Variants in ITGA9 observed in about 807,000 individuals in gnomAD.
The protein encoded by ITGA9 is integrin subunit alpha 9.
In ITGA9, 56 loss-of-function variants were observed where a neutral mutation model predicts 127.8. The observed-to-expected ratio is 0.44, with a 90% CI of 0.35 to 0.55. ITGA9 has a LOEUF of 0.55. Ranked by LOEUF, ITGA9 falls within the 20% of genes least tolerant of loss-of-function variation. ITGA9 has a pLI of 0.00. For synonymous variants in ITGA9, 508 were observed against 514.5 expected, an observed-to-expected ratio of 0.99 and a Z score of 0.17; for missense variants, 1,196 against 1,347.1, an observed-to-expected ratio of 0.89 and a Z score of 1.76.
chr3:37,812,903 A>G (rs1697385296), intron 27 of ITGA9, among the ~76,000 whole-genome samples: 1 of 152,266 alleles, frequency 6.6e-6, no homozygotes, highest in African/African-American at 2.4e-5. Flanking sequence ...CCCATCATTA[A>G]TCATTTCCCA....
chr3:37,460,735 G>GC (rs913349751), intron 1 of ITGA9, among the ~76,000 whole-genome samples: 3 of 151,702 alleles, frequency 2.0e-5, no homozygotes, highest in African/African-American at 4.8e-5. Flanking sequence ...GACTACAGGT[G>GC]CCCCCCACCA....
At chr3:37,648,398 A>T (rs1486502398) in intron 16 of ITGA9, among the ~76,000 whole-genome samples, 1 of 152,186 alleles carries the variant, frequency 6.6e-6, no homozygotes, top group East Asian at 1.9e-4. Context: ...CTGAAGCAGG[A>T]AGATCACTTG....
At position 37,778,883 on chromosome 3, in the gene ITGA9, T is replaced by G. The variant is rs375473870; in HGVS notation, c.2668-1019T>G. ...ACTTGAAAGGTTGGGTTTTTTTTTT[T>G]TTTTTTTTTTTTTACTTACATAGTG... On this transcript the variant is annotated intron_variant, in intron 24 of 27. Coordinates refer to ENST00000264741, the MANE Select transcript of ITGA9 (RefSeq NM_002207.3). Among the ~76,000 whole-genome samples, 108 of 147,156 alleles carry G rather than the reference T, an allele frequency of 7.3e-4. 1 individual carries two copies. The highest frequency in any genetic ancestry group is 4.9e-3 in the Admixed American group (73 of 14,794).
chr3:37,735,530 A>G (rs1696349102), intron 19 of ITGA9, among the ~76,000 whole-genome samples: 1 of 152,254 alleles, frequency 6.6e-6, no homozygotes, highest in South Asian at 2.1e-4. Flanking sequence ...AGGTTTAGAC[A>G]TTGTATAAGT....
At chr3:37,753,667 A>C (rs1430768229) in intron 23 of ITGA9, 2 of 152,210 alleles carry the variant, frequency 1.3e-5, no homozygotes, top group African/African-American at 4.8e-5. Flanking sequence ...GACAGAGAGT[A>C]CTGAACCACA....
At chr3:37,502,995 G>C (rs112421439) in intron 5 of ITGA9, among the ~76,000 whole-genome samples, 183 bp from the exon 6 acceptor site, 1 of 152,114 alleles carries the variant, frequency 6.6e-6, no homozygotes, top group Non-Finnish European at 1.5e-5. Flanking sequence ...TGATAATCCC[G>C]TCTGTATAAT....
chr3:37,525,962 C>T, intron 12 of ITGA9, 64 bp from the exon 13 acceptor site: 5 of 1,413,046 alleles, frequency 3.5e-6, no homozygotes, highest in Non-Finnish European at 5.0e-6. Context: ...TGAGCGCATT[C>T]CCAGGGCGCG....
At chr3:37,537,586 A>T (rs929441336) in intron 14 of ITGA9, among the ~76,000 whole-genome samples, 1 of 152,224 alleles carries the variant, frequency 6.6e-6, no homozygotes, top group African/African-American at 2.4e-5. Context: ...ACAGAGTGCC[A>T]GACACCCTGC....
chr3:37,661,238 G>A (rs1347124651), intron 17 of ITGA9, among the ~76,000 whole-genome samples: 1 of 152,148 alleles, frequency 6.6e-6, no homozygotes, highest in Non-Finnish European at 1.5e-5. Flanking sequence ...CCGTCTCTCT[G>A]GAATTCAGAC....
chr3:37,707,935 C>T (rs1178916476), intron 18 of ITGA9, among the ~76,000 whole-genome samples: 2 of 152,174 alleles, frequency 1.3e-5, no homozygotes, highest in East Asian at 1.9e-4. Flanking sequence ...TACCCCTTCC[C>T]GAGTGCTTCC....
At chr3:37,526,176 G>C in intron 13 of ITGA9, 105 bp downstream of exon 13, 3 of 964,856 alleles carry the variant, frequency 3.1e-6, no homozygotes, top group Non-Finnish European at 3.4e-6. Context: ...TTGTAGGCTG[G>C]AGGTGCTTAG....
chr3:37,591,149 C>A (rs1434772167), intron 15 of ITGA9, among the ~76,000 whole-genome samples: 1 of 152,196 alleles, frequency 6.6e-6, no homozygotes, highest in Non-Finnish European at 1.5e-5. Flanking sequence ...GTGCTGGGCT[C>A]TGCTGAGGAT....
intron 15 of ITGA9, among the ~76,000 whole-genome samples, chr3:37,590,218 T>C (rs111401648): frequency 2.6e-5 from 4 of 152,338 alleles, no homozygotes; most frequent in African/African-American, 9.6e-5. Flanking sequence ...TTCATGAGCC[T>C]TGACTCTACT....
At chr3:37,508,420 C>A in intron 7 of ITGA9, 139 bp from the exon 8 acceptor site, 1 of 693,436 alleles carries the variant, frequency 1.4e-6, no homozygotes, top group Non-Finnish European at 2.5e-6. Context: ...CTGACTTCTT[C>A]ATGATCATCA....
At chr3:37,793,781 G>A (rs1055663782) in intron 26 of ITGA9, among the ~76,000 whole-genome samples, 7 of 152,296 alleles carry the variant, frequency 4.6e-5, no homozygotes, top group South Asian at 4.1e-4. Context: ...TCTTGACCTC[G>A]GAGTTGGTCC....
At chr3:37,608,436 T>C (rs1699988526) in intron 15 of ITGA9, among the ~76,000 whole-genome samples, 1 of 112,254 alleles carries the variant, frequency 8.9e-6, no homozygotes, top group African/African-American at 2.8e-5. Flanking sequence ...CAAGTAAGAT[T>C]TACAAAACAA....
intron 22 of ITGA9, 73 bp from the exon 23 acceptor site, chr3:37,750,389 A>G (rs979058280): frequency 1.1e-6 from 1 of 901,520 alleles, no homozygotes; most frequent in East Asian, 2.4e-5. Context: ...ATCTTAGAAT[A>G]TATATTGCAT....
At position 37,542,669 on chromosome 3, in the gene ITGA9, T is replaced by C. The variant is rs1165343049; in HGVS notation, c.1689+84T>C. On this transcript the variant is annotated intron_variant, in intron 15 of 27. Transcript: ENST00000264741. ...GCTGGTGGAAACTATTTTTATTATGTATTATGTGTGCTCTTCCAAAATTTT... is the reference window on the plus strand; with the variant it reads ...GCTGGTGGAAACTATTTTTATTATGCATTATGTGTGCTCTTCCAAAATTTT... 10 of 1,419,758 alleles carry C rather than the reference T, an allele frequency of 7.0e-6. No individual in the cohort carries two copies. In the East Asian group the frequency reaches 2.3e-4, roughly 33 times the overall value. The allele number at this position is 1,419,758 out of a possible 1,614,324, so 87.9% of individuals were successfully genotyped here.
chr3:37,466,035 G>T (rs1466228285), intron 1 of ITGA9, among the ~76,000 whole-genome samples: 1 of 152,000 alleles, frequency 6.6e-6, no homozygotes, highest in Non-Finnish European at 1.5e-5. Flanking sequence ...TGTAAAATGG[G>T]GATAATATTA....
Sources: allele counts gnomAD v4.1 joint callset (sites outside exome capture counted in the v4.1 genomes callset), GRCh38; gene constraint gnomAD v4.1.1; transcripts MANE v1.5; gene names NCBI Gene and HGNC (gene_info 2026-07-23, HGNC 2026-07-21).